Variants in MARCHF4 observed in about 807,000 individuals in gnomAD.
MARCHF4 encodes membrane associated ring-CH-type finger 4, also known as E3 ubiquitin-protein ligase MARCHF4.
In MARCHF4, 14 loss-of-function variants were observed where a neutral mutation model predicts 43.9. That is an observed-to-expected ratio of 0.32 (90% CI 0.21 to 0.50). The LOEUF (loss-of-function observed/expected upper bound fraction) is 0.50. MARCHF4 is among the 20% of genes least tolerant of loss of function. MARCHF4 has a pLI of 0.98. For synonymous variants in MARCHF4, 226 were observed against 213.3 expected, an observed-to-expected ratio of 1.06 and a Z score of -0.52; for missense variants, 468 against 536.7, an observed-to-expected ratio of 0.87 and a Z score of 1.27.
Position 216,277,591 on chromosome 2 carries a change from C to T in MARCHF4, c.865+81G>A, listed in dbSNP as rs574998915. 1.6e-5 allele frequency: 23 copies of T among 1,419,280 alleles called. No individual in the cohort carries two copies. The South Asian group carries it at 3.2e-4, about 20-fold the overall frequency. The allele number at this position is 1,419,280 out of a possible 1,614,324, so 87.9% of individuals were successfully genotyped here. Reference sequence around the variant, plus strand: ...GGGCCATATCTGCTTCAGCCTCCCACAGTGGGGGATCCTGAGGGATCTGTC... The same window carrying T: ...GGGCCATATCTGCTTCAGCCTCCCATAGTGGGGGATCCTGAGGGATCTGTC... On this transcript the variant is annotated intron_variant, in intron 3 of 3. Transcript: ENST00000273067.
At chr2:216,299,270 C>A (rs1179377371) in intron 1 of MARCHF4, among the ~76,000 whole-genome samples, 1 of 152,166 alleles carries the variant, frequency 6.6e-6, no homozygotes, top group South Asian at 2.1e-4. Flanking sequence ...GCCTTGCCAG[C>A]TGGAGGCTGC....
At chr2:216,332,705 C>T (rs1203276656) in intron 1 of MARCHF4, among the ~76,000 whole-genome samples, 3 of 152,030 alleles carry the variant, frequency 2.0e-5, no homozygotes, top group Admixed American at 6.6e-5. Flanking sequence ...TAAAGACGGT[C>T]GTCTCCCCAA....
At chr2:216,286,009 C>T (rs1257350512) in intron 1 of MARCHF4, among the ~76,000 whole-genome samples, 2 of 152,172 alleles carry the variant, frequency 1.3e-5, no homozygotes, top group Middle Eastern at 3.2e-3. Flanking sequence ...CAGCTGATAA[C>T]AAGACCCGGG....
chr2:216,277,037 A>G (rs1224028035), intron 3 of MARCHF4, among the ~76,000 whole-genome samples: 1 of 152,210 alleles, frequency 6.6e-6, no homozygotes, highest in Non-Finnish European at 1.5e-5. Context: ...ACACATGTAA[A>G]TAGATAAAAG....
At position 216,283,667 on chromosome 2, in the gene MARCHF4, G is replaced by A. The variant is rs768783136; in HGVS notation, c.579C>T (p.Leu193=). ...AGCCCCGCTCGCTGATCCACTTGATGAGGCAAGGCTGGTGTGTGCACTTGA... is the reference window on the plus strand; with the variant it reads ...AGCCCCGCTCGCTGATCCACTTGATAAGGCAAGGCTGGTGTGTGCACTTGA... The part of the protein sequence containing the change: ...GSVKCTHQPC[L]IKWISERGCW... Residue 193 remains leucine, a synonymous_variant, in exon 2 of 4, where the codon CTC becomes CTT. Coordinates refer to ENST00000273067, the MANE Select transcript of MARCHF4 (RefSeq NM_020814.3). 4 of 1,613,706 alleles carry A rather than the reference G, an allele frequency of 2.5e-6. No homozygotes were observed. Among genetic ancestry groups the A allele is most frequent in the Non-Finnish European group, 3.4e-6 (4 of 1,179,590 alleles).
intron 3 of MARCHF4, among the ~76,000 whole-genome samples, chr2:216,261,571 T>C (rs1690744408): frequency 6.6e-6 from 1 of 152,214 alleles, no homozygotes. Context: ...TTGGGGCCCA[T>C]GATTCAAGCC....
At chr2:216,278,227 T>TTTAA (rs1691060902) in intron 2 of MARCHF4, among the ~76,000 whole-genome samples, 1 of 151,786 alleles carries the variant, frequency 6.6e-6, no homozygotes, top group Non-Finnish European at 1.5e-5. Flanking sequence ...CTTTTATTTA[T>TTTAA]TTATTTATTT....
intron 3 of MARCHF4, among the ~76,000 whole-genome samples, chr2:216,270,081 A>T (rs1164546305): frequency 3.4e-5 from 5 of 148,630 alleles, no homozygotes; most frequent in South Asian, 2.1e-4. Context: ...TCCACCAGAA[A>T]TTTTTTTTTT....
intron 1 of MARCHF4, among the ~76,000 whole-genome samples, chr2:216,307,587 A>G (rs1691610048): frequency 6.6e-6 from 1 of 152,136 alleles, no homozygotes; most frequent in Non-Finnish European, 1.5e-5. Flanking sequence ...CTATGAATAA[A>G]TGCCAATATG....
chr2:216,338,173 C>G (rs1019788800), intron 1 of MARCHF4, among the ~76,000 whole-genome samples: 1 of 152,108 alleles, frequency 6.6e-6, no homozygotes. Flanking sequence ...TACCAAGCAT[C>G]CTCTCCCCTT....
rs571124284 is a variant in MARCHF4 at position 216,296,596 on chromosome 2, T to A, written c.517-12867A>T. 5.9e-5 allele frequency among the ~76,000 whole-genome samples: 9 copies of A among 152,118 alleles called. 1 individual carries two copies. Among genetic ancestry groups the A allele is most frequent in the African/African-American group, 2.2e-4 (9 of 41,508 alleles). The stretch of plus-strand genomic sequence containing the variant: ...TTGTCTGCAGAAAGTGAAAGCAGGG[T>A]CCAGAGGGTAAAATGATCTGCATTT... On this transcript the variant is annotated intron_variant, in intron 1 of 3. Transcript: ENST00000273067.
At chr2:216,318,713 C>T (rs1028920424) in intron 1 of MARCHF4, among the ~76,000 whole-genome samples, 1 of 152,068 alleles carries the variant, frequency 6.6e-6, no homozygotes, top group Non-Finnish European at 1.5e-5. Context: ...AGAGAGGTGC[C>T]AGGGGCTCCA....
intron 3 of MARCHF4, among the ~76,000 whole-genome samples, chr2:216,272,323 A>G (rs1027730030): frequency 1.1e-4 from 16 of 152,178 alleles, no homozygotes; most frequent in African/African-American, 3.6e-4. Context: ...TCAAAATAGC[A>G]CAATCAAAAA....
chr2:216,278,112 T>A (rs1488759745), intron 2 of MARCHF4, among the ~76,000 whole-genome samples: 1 of 152,186 alleles, frequency 6.6e-6, no homozygotes, highest in East Asian at 1.9e-4. Flanking sequence ...TGGGCATGGC[T>A]GGAAAGGAAG....
chr2:216,294,599 G>A (rs564737550), intron 1 of MARCHF4, among the ~76,000 whole-genome samples: 5 of 152,284 alleles, frequency 3.3e-5, no homozygotes, highest in African/African-American at 1.2e-4. Context: ...TCTAAGCCTT[G>A]ATTTCTTGGT....
chr2:216,316,863 G>A (rs1262962921), intron 1 of MARCHF4, among the ~76,000 whole-genome samples: 1 of 152,182 alleles, frequency 6.6e-6, no homozygotes, highest in Non-Finnish European at 1.5e-5. Flanking sequence ...CATAAGGGAT[G>A]AGGAGAGACT....
rs2105989661 is a variant in MARCHF4 at position 216,370,550 on chromosome 2, G to T, written c.-290C>A. ...TTCAGTGTGTCTCCTTTCTGCTTTT[G>T]ACCTGAGGACACTGGTAGGAGCAGA... On this transcript the variant is annotated 5_prime_UTR_variant, in exon 1 of 4. Transcript: ENST00000273067. 6.0e-6 allele frequency: 2 copies of T among 333,802 alleles called. No homozygotes were observed. Among genetic ancestry groups the T allele is most frequent in the Non-Finnish European group, 1.1e-5 (2 of 183,880 alleles). The allele number at this position is 333,802 out of a possible 1,614,324, so 20.7% of individuals were successfully genotyped here. A position where few individuals can be genotyped will look rare whatever the true frequency, so the allele number is the denominator to read the frequency against.
At chr2:216,281,110 G>T (rs527831039) in intron 2 of MARCHF4, among the ~76,000 whole-genome samples, 2 of 148,186 alleles carry the variant, frequency 1.3e-5, no homozygotes, top group African/African-American at 5.0e-5. Flanking sequence ...CTGCCACCCA[G>T]GCTGGAGTGG....
At chr2:216,297,646 T>G (rs1434694348) in intron 1 of MARCHF4, among the ~76,000 whole-genome samples, 2 of 152,338 alleles carry the variant, frequency 1.3e-5, no homozygotes, top group East Asian at 3.9e-4. Flanking sequence ...CCCACGTAGC[T>G]GGGATTACAG....
Sources: allele counts gnomAD v4.1 joint callset (sites outside exome capture counted in the v4.1 genomes callset), GRCh38; gene constraint gnomAD v4.1.1; transcripts MANE v1.5; gene names NCBI Gene and HGNC (gene_info 2026-07-23, HGNC 2026-07-21).